The following SUPV3L1 variants were observed in gnomAD, a reference collection of about 807,000 sequenced individuals.
SUPV3L1 encodes the protein ATP-dependent RNA helicase SUPV3L1, mitochondrial.
In SUPV3L1, 35 loss-of-function variants were observed where a neutral mutation model predicts 70.0. That is an observed-to-expected ratio of 0.50 (90% CI 0.38 to 0.66). The LOEUF (loss-of-function observed/expected upper bound fraction) is 0.66, where lower values mean the gene tolerates loss of function less well. Among genes scored for constraint, SUPV3L1 ranks in the 30% least tolerant of loss-of-function variants. The pLI is 0.00. For synonymous variants in SUPV3L1, 364 were observed against 341.9 expected (o/e 1.06, Z -0.71); for missense variants, 777 against 961.5 (o/e 0.81, Z 2.54).
intron 1 of SUPV3L1, among the ~76,000 whole-genome samples, chr10:69,183,693 A>G (rs1317578615): frequency 1.3e-5 from 2 of 152,212 alleles, no homozygotes; most frequent in African/African-American, 4.8e-5. Flanking sequence ...AAATAAAAAA[A>G]GAAAGATACA....
Position 69,189,383 on chromosome 10 carries a change from G to C in SUPV3L1, c.689G>C (p.Cys230Ser). The change falls in exon 5 of 15, where the codon TGT becomes TCT. Residue 230 changes from cysteine to serine, a missense_variant. Around this residue, in one of 2 missense-constraint regions of SUPV3L1, gnomAD observed 619 missense variants for 823.3 expected, o/e 0.75. Coordinates refer to ENST00000359655, the MANE Select transcript of SUPV3L1 (RefSeq NM_003171.5). ...TTCTCAGCAAAGTCTGGAGTGTATT[G>C]TGGCCCTCTAAAATTACTGGCACAT... ...KYFSAKSGVY[C>S]GPLKLLAHEI... is the part of the protein sequence containing the mutation. 4 of 1,613,534 alleles carry C rather than the reference G, an allele frequency of 2.5e-6. No homozygotes were observed. Among genetic ancestry groups the C allele is most frequent in the Non-Finnish European group, 3.4e-6 (4 of 1,179,756 alleles).
chr10:69,186,431 G>T lies in SUPV3L1; in HGVS notation c.350-12G>T, dbSNP rs908652851. 4.4e-6 allele frequency: 7 copies of T among 1,590,874 alleles called. No individual in the cohort carries two copies. The South Asian group carries it at 7.7e-5, about 18-fold the overall frequency. On this transcript the variant is annotated splice_polypyrimidine_tract_variant and intron_variant, in intron 2 of 14. Transcript: ENST00000359655. ...ACTACACCTTACATCTTTTCATTTT[G>T]TGTTTCTACAGCTCGTCTCTTCCAC...
At chr10:69,191,534 C>T (rs973763122) in intron 5 of SUPV3L1, 121 bp from the exon 6 acceptor site, 8 of 790,300 alleles carry the variant, frequency 1.0e-5, no homozygotes, top group Non-Finnish European at 1.7e-5. Context: ...GCCGTGGGAA[C>T]ATTATGTTTT....
At chr10:69,196,857 A>C in intron 7 of SUPV3L1, 135 bp from the exon 8 acceptor site, 1 of 653,886 alleles carries the variant, frequency 1.5e-6, no homozygotes. Context: ...TTTGCATCAG[A>C]GATAATATTT....
intron 5 of SUPV3L1, 80 bp from the exon 6 acceptor site, chr10:69,191,575 G>A: frequency 8.4e-7 from 1 of 1,188,788 alleles, no homozygotes. Context: ...TGGTGGTAGT[G>A]GAGAGAACAC....
chr10:69,186,325 C>CAAAAAAAAAAAAA (rs34197871), intron 2 of SUPV3L1, 118 bp from the exon 3 acceptor site: 12 of 400,310 alleles, frequency 3.0e-5, no homozygotes, highest in East Asian at 1.6e-4. Context: ...GCTGTACTGC[C>CAAAAAAAAAAAAA]AAAAAAAAAA....
At chr10:69,190,192 G>A (rs192685365) in intron 5 of SUPV3L1, among the ~76,000 whole-genome samples, 1 of 152,070 alleles carries the variant, frequency 6.6e-6, no homozygotes, top group Non-Finnish European at 1.5e-5. Flanking sequence ...GTAGTCCTTT[G>A]CCCCATCAGA....
Position 69,186,135 on chromosome 10 carries a change from A to ACC in SUPV3L1, c.349+74_349+75dup. 2.9e-5 allele frequency: 39 copies of ACC among 1,328,858 alleles called. No homozygotes were observed. In the South Asian group the frequency reaches 4.7e-4, roughly 16 times the overall value. 82.3% of individuals were successfully genotyped at this position (1,328,858 alleles called of 1,614,324 possible). On this transcript the variant is annotated intron_variant, in intron 2 of 14. Transcript: ENST00000359655. The stretch of plus-strand genomic sequence containing the variant: ...GGTACAGCTTGGTCAGGACTGTACG[A>ACC]CCCCTCATGTGACCTGGCTGTTGTA...
At chr10:69,193,452 GTT>G (rs11321429) in intron 6 of SUPV3L1, among the ~76,000 whole-genome samples, 41 of 131,028 alleles carry the variant, frequency 3.1e-4, no homozygotes, top group Admixed American at 3.8e-4. Flanking sequence ...TCACGAAGTA[GTT>G]TTTTTTTTTT....
chr10:69,191,539 T>C (rs1842397873), intron 5 of SUPV3L1, 116 bp from the exon 6 acceptor site: 1 of 827,914 alleles, frequency 1.2e-6, no homozygotes, highest in South Asian at 1.6e-5. Context: ...GGGAACATTA[T>C]GTTTTAACTG....
Position 69,193,982 on chromosome 10 carries a change from C to A in SUPV3L1, c.854-1206C>A, listed in dbSNP as rs570424360. Among the ~76,000 whole-genome samples the A allele has an allele frequency of 2.0e-5, 3 of 152,308 alleles. No individual in the cohort carries two copies. The South Asian group carries it at 6.2e-4, about 32-fold the overall frequency. On this transcript the variant is annotated intron_variant, in intron 6 of 14. Transcript: ENST00000359655. ...ACTGAGGCCCAAGGAATTATTCCTT[C>A]CACTTCACTTTCTGCTCCTGAGAGC...
chr10:69,180,281 C>T lies in SUPV3L1; in HGVS notation c.-11C>T, dbSNP rs1221260441. The T allele has an allele frequency of 1.9e-6, 3 of 1,612,054 alleles. No individual in the cohort carries two copies. Among genetic ancestry groups the T allele is most frequent in the East Asian group, 2.2e-5 (1 of 44,866 alleles). On this transcript the variant is annotated 5_prime_UTR_variant, in exon 1 of 15. Transcript: ENST00000359655. Reference sequence around the variant, plus strand: ...GCGGCTGCGCCAGACAGTGTAGAACCTGCGGCCTCGATGTCCTTCTCCCGT... The same window carrying T: ...GCGGCTGCGCCAGACAGTGTAGAACTTGCGGCCTCGATGTCCTTCTCCCGT...
chr10:69,184,490 G>A (rs895347362), intron 1 of SUPV3L1, among the ~76,000 whole-genome samples: 1 of 152,132 alleles, frequency 6.6e-6, no homozygotes, highest in Non-Finnish European at 1.5e-5. Context: ...AGCTGAGATC[G>A]CGCCATTGCC....
chr10:69,189,393 A>G lies in SUPV3L1; in HGVS notation c.699A>G (p.Leu233=), dbSNP rs770429741. ...SAKSGVYCGP[L]KLLAHEIFEK... is the part of the protein sequence containing the mutation. ...AGTCTGGAGTGTATTGTGGCCCTCT[A>G]AAATTACTGGCACATGAGATCTTCG... The change falls in exon 5 of 15, where the codon CTA becomes CTG. Residue 233 remains leucine, a synonymous_variant. Coordinates refer to ENST00000359655, the MANE Select transcript of SUPV3L1 (RefSeq NM_003171.5). 1.2e-6 allele frequency: 2 copies of G among 1,612,936 alleles called. No homozygotes were observed. Among genetic ancestry groups the G allele is most frequent in the East Asian group, 4.5e-5 (2 of 44,838 alleles).
intron 7 of SUPV3L1, among the ~76,000 whole-genome samples, chr10:69,196,361 G>A (rs1240235762): frequency 1.3e-5 from 2 of 152,026 alleles, no homozygotes; most frequent in Non-Finnish European, 2.9e-5. Flanking sequence ...GCGTGGTGGC[G>A]CATGCCTGTA....
chr10:69,207,710 G>T, intron 13 of SUPV3L1, 83 bp from the exon 14 acceptor site: 1 of 1,465,756 alleles, frequency 6.8e-7, no homozygotes. Flanking sequence ...GTTTTGTTTT[G>T]CTTTCTTTTT....
intron 5 of SUPV3L1, among the ~76,000 whole-genome samples, chr10:69,190,596 A>G (rs1236958805): frequency 1.3e-5 from 2 of 152,234 alleles, no homozygotes; most frequent in Non-Finnish European, 2.9e-5. Flanking sequence ...TACACAATCT[A>G]TATTCAAATT....
chr10:69,201,873 G>C (rs1006694712), intron 11 of SUPV3L1, among the ~76,000 whole-genome samples: 24 of 128,234 alleles, frequency 1.9e-4, no homozygotes, highest in Non-Finnish European at 3.5e-4. Flanking sequence ...ACGGAGTCTT[G>C]CTCTGTCGCC....
chr10:69,188,017 G>A (rs775554332), intron 4 of SUPV3L1, among the ~76,000 whole-genome samples: 1 of 152,150 alleles, frequency 6.6e-6, no homozygotes, highest in Non-Finnish European at 1.5e-5. Flanking sequence ...TTAAGTGTAA[G>A]CTATGGCCTT....
Sources: allele counts gnomAD v4.1 joint callset (sites outside exome capture counted in the v4.1 genomes callset), GRCh38; gene constraint gnomAD v4.1.1; regional missense constraint gnomAD v4.1.1; transcripts MANE v1.5; gene names NCBI Gene and HGNC (gene_info 2026-07-23, HGNC 2026-07-21).